The following RCAN2 variants were observed in gnomAD, a reference collection of about 807,000 sequenced individuals.
The protein encoded by RCAN2 is regulator of calcineurin 2.
RCAN2 carries 9 observed loss-of-function variants against 23.6 expected under a neutral mutation model. The ratio of observed to expected loss-of-function variants is 0.38; its 90% CI spans 0.23 to 0.67. The LOEUF (loss-of-function observed/expected upper bound fraction) is 0.67, where lower values mean the gene tolerates loss of function less well. Among genes scored for constraint, RCAN2 ranks in the 30% least tolerant of loss-of-function variants. The pLI is 0.51. For missense variants in RCAN2, 273 were observed against 302.3 expected, an observed-to-expected ratio of 0.90 and a Z score of 0.72; for synonymous variants, 109 against 115.7, an observed-to-expected ratio of 0.94 and a Z score of 0.37.
At chr6:46,478,306 G>T (rs754756082) in intron 1 of RCAN2, among the ~76,000 whole-genome samples, 5 of 152,122 alleles carry the variant, frequency 3.3e-5, no homozygotes, top group Non-Finnish European at 7.4e-5. Flanking sequence ...TATCATGCAG[G>T]CTGTTGGGAA....
intron 4 of RCAN2, among the ~76,000 whole-genome samples, chr6:46,237,020 C>T (rs769759240): frequency 3.9e-5 from 6 of 152,184 alleles, no homozygotes; most frequent in Non-Finnish European, 7.4e-5. Context: ...AGGATTTAAA[C>T]TCAGGCTTGC....
chr6:46,353,582 G>A (rs1373254178), intron 2 of RCAN2, among the ~76,000 whole-genome samples: 1 of 152,168 alleles, frequency 6.6e-6, no homozygotes, highest in Non-Finnish European at 1.5e-5. Context: ...GGCTTGTTAT[G>A]GTTACAAATG....
intron 2 of RCAN2, among the ~76,000 whole-genome samples, chr6:46,431,373 A>G (rs978777032): frequency 3.3e-5 from 5 of 152,038 alleles, no homozygotes; most frequent in Non-Finnish European, 5.9e-5. Context: ...CCTGGCCCCA[A>G]CTTGCTTTTA....
intron 2 of RCAN2, among the ~76,000 whole-genome samples, chr6:46,250,408 T>C (rs1766669929): frequency 6.6e-6 from 1 of 152,224 alleles, no homozygotes; most frequent in Non-Finnish European, 1.5e-5. Flanking sequence ...CTGATTCTTT[T>C]ATTTCAACAG....
chr6:46,229,607 T>C (rs942707299), intron 4 of RCAN2, among the ~76,000 whole-genome samples: 1 of 152,218 alleles, frequency 6.6e-6, no homozygotes, highest in Non-Finnish European at 1.5e-5. Flanking sequence ...CTTGCCATGG[T>C]TTTCAGCTCC....
intron 1 of RCAN2, among the ~76,000 whole-genome samples, chr6:46,487,775 C>T (rs1769035878): frequency 6.6e-6 from 1 of 152,188 alleles, no homozygotes. Flanking sequence ...TAAAATGGAT[C>T]AGTTCACACC....
At position 46,328,760 on chromosome 6, in the gene RCAN2, G is replaced by A. The variant is rs566604480; in HGVS notation, c.226-79864C>T. On this transcript the variant is annotated intron_variant, in intron 2 of 4. Coordinates refer to ENST00000371374, the MANE Select transcript of RCAN2 (RefSeq NM_001251974.2). ...CTAGTAGCTGGGACTACAGGCACGG[G>A]CCACCACGCCCAGCTAATTTTTGTA... 8.5e-5 allele frequency among the ~76,000 whole-genome samples: 13 copies of A among 152,300 alleles called. No homozygotes were observed. The East Asian group carries it at 2.5e-3, about 29-fold the overall frequency.
chr6:46,346,341 G>A (rs976191804), intron 2 of RCAN2, among the ~76,000 whole-genome samples: 3 of 151,936 alleles, frequency 2.0e-5, no homozygotes, highest in Admixed American at 1.3e-4. Flanking sequence ...AAAGAAAGAA[G>A]GAGCACTTCC....
intron 2 of RCAN2, among the ~76,000 whole-genome samples, chr6:46,427,496 G>T (rs891959679): frequency 1.3e-5 from 2 of 152,152 alleles, no homozygotes; most frequent in Non-Finnish European, 2.9e-5. Context: ...GGAATATAGT[G>T]TTCAGAACTC....
chr6:46,270,238 TAG>T (rs1247815344), intron 2 of RCAN2, among the ~76,000 whole-genome samples: 2 of 151,990 alleles, frequency 1.3e-5, no homozygotes, highest in Non-Finnish European at 2.9e-5. Context: ...CTGGGGCAGG[TAG>T]AGCCTGCTGC....
intron 2 of RCAN2, among the ~76,000 whole-genome samples, chr6:46,456,007 T>C (rs903044827): frequency 2.0e-5 from 3 of 152,206 alleles, no homozygotes; most frequent in African/African-American, 7.2e-5. Context: ...TCCATTTAGA[T>C]ACCCCATTCA....
chr6:46,252,925 A>G (rs1766783173), intron 2 of RCAN2, among the ~76,000 whole-genome samples: 1 of 152,222 alleles, frequency 6.6e-6, no homozygotes, highest in South Asian at 2.1e-4. Flanking sequence ...TCAAAACTCA[A>G]TAAGTAGTAG....
At chr6:46,478,339 A>G (rs1768767602) in intron 1 of RCAN2, among the ~76,000 whole-genome samples, 1 of 152,244 alleles carries the variant, frequency 6.6e-6, no homozygotes, top group African/African-American at 2.4e-5. Context: ...ATAGTGATAT[A>G]ATAACAACAA....
chr6:46,463,837 A>G (rs544760877), intron 1 of RCAN2, among the ~76,000 whole-genome samples: 3 of 152,336 alleles, frequency 2.0e-5, no homozygotes, highest in East Asian at 3.9e-4. Flanking sequence ...AAGCAACTTA[A>G]GTTTAAATTT....
chr6:46,344,250 A>G (rs958202024), intron 2 of RCAN2, among the ~76,000 whole-genome samples: 3 of 152,194 alleles, frequency 2.0e-5, no homozygotes, highest in Non-Finnish European at 4.4e-5. Context: ...AGACAAAATG[A>G]AAATCATTTT....
At chr6:46,408,576 T>C (rs998439129) in intron 2 of RCAN2, among the ~76,000 whole-genome samples, 2 of 152,160 alleles carry the variant, frequency 1.3e-5, no homozygotes, top group Admixed American at 1.3e-4. Flanking sequence ...TCTTAGTGCA[T>C]TGACCAAGAT....
At chr6:46,405,953 C>A (rs989613573) in intron 2 of RCAN2, among the ~76,000 whole-genome samples, 6 of 152,226 alleles carry the variant, frequency 3.9e-5, no homozygotes, top group Non-Finnish European at 7.3e-5. Flanking sequence ...GAGCACAGCG[C>A]CGGTGGGTTG....
At chr6:46,478,555 C>T (rs145210751) in intron 1 of RCAN2, among the ~76,000 whole-genome samples, 126 of 152,284 alleles carry the variant, frequency 8.3e-4, no homozygotes, top group South Asian at 4.1e-3. Flanking sequence ...AGTCCCATCA[C>T]ATGTCTATGT....
chr6:46,321,653 C>G (rs1313394750), intron 2 of RCAN2, among the ~76,000 whole-genome samples: 1 of 152,186 alleles, frequency 6.6e-6, no homozygotes. Context: ...AGAGAAGGGG[C>G]AGCCCCAGGT....
Sources: allele counts gnomAD v4.1 joint callset (sites outside exome capture counted in the v4.1 genomes callset), GRCh38; gene constraint gnomAD v4.1.1; transcripts MANE v1.5; gene names NCBI Gene and HGNC (gene_info 2026-07-23, HGNC 2026-07-21).